Variants in DMBX1 observed in about 807,000 individuals in gnomAD.
DMBX1 encodes the protein diencephalon/mesencephalon homeobox 1.
Under a neutral mutation model 30.4 loss-of-function variants are expected in DMBX1, and 7 were observed. The ratio of observed to expected loss-of-function variants is 0.23; its 90% CI spans 0.13 to 0.43. The LOEUF is 0.43. DMBX1 is among the 20% of genes least tolerant of loss of function. The pLI is 1.00. For missense variants in DMBX1, 460 were observed against 508.5 expected, an observed-to-expected ratio of 0.90 and a Z score of 0.92; for synonymous variants, 222 against 214.2, an observed-to-expected ratio of 1.04 and a Z score of -0.32.
At chr1:46,501,598 G>A (rs990769743) in intron 2 of DMBX1, among the ~76,000 whole-genome samples, 19 of 152,212 alleles carry the variant, frequency 1.2e-4, no homozygotes, top group African/African-American at 3.9e-4. Flanking sequence ...ATAAGGCTGA[G>A]CTTTTTGTCA....
In DMBX1 at chr1:46,507,133, G is replaced by T. The variant is rs1569893122; in HGVS notation, c.123G>T (p.Val41=). The stretch of plus-strand genomic sequence containing the variant: ...ATGCCCCCGACTACCGGCCTTCAGT[G>T]CATGCGCTTACATTGGCTGAGCGCC... ...AQHAPDYRPS[V]HALTLAERLA... The change falls in exon 3 of 6, where the codon GTG becomes GTT. Residue 41 remains valine (V), a synonymous_variant. Transcript: ENST00000360032. 6.2e-7 allele frequency: 1 copy of T among 1,614,220 alleles called. No individual in the cohort carries two copies. Among genetic ancestry groups the T allele is most frequent in the African/African-American group, 1.3e-5 (1 of 75,066 alleles).
intron 2 of DMBX1, among the ~76,000 whole-genome samples, chr1:46,492,386 T>C (rs766061671): frequency 8.5e-5 from 13 of 152,188 alleles, no homozygotes; most frequent in Non-Finnish European, 1.9e-4. Context: ...ACGCACACAC[T>C]GTGGATTTTG....
At chr1:46,508,593 G>C (rs1666286550) in intron 3 of DMBX1, among the ~76,000 whole-genome samples, 1 of 152,150 alleles carries the variant, frequency 6.6e-6, no homozygotes, top group Non-Finnish European at 1.5e-5. Flanking sequence ...AGTATTCCAG[G>C]ACCCAAGGAC....
At chr1:46,498,816 A>G (rs1666071414) in intron 2 of DMBX1, among the ~76,000 whole-genome samples, 1 of 152,248 alleles carries the variant, frequency 6.6e-6, no homozygotes, top group South Asian at 2.1e-4. Context: ...ACATGTGTAC[A>G]GCTCAGATGG....
rs532028880 is a variant in DMBX1 at position 46,498,768 on chromosome 1, C to T, written c.-13+7985C>T. ...GTGTACACACATGGCCGCACATGGACACTGAGGTGGGCTTCAGACCTATGG... is the reference window on the plus strand; with the variant it reads ...GTGTACACACATGGCCGCACATGGATACTGAGGTGGGCTTCAGACCTATGG... On this transcript the variant is annotated intron_variant, in intron 2 of 5. Transcript: ENST00000360032. Among the ~76,000 whole-genome samples the T allele has an allele frequency of 2.9e-4, 44 of 152,338 alleles. 1 individual carries two copies. The highest frequency in any genetic ancestry group is 6.8e-3 in the Middle Eastern group (2 of 294).
chr1:46,502,942 A>T (rs1666165374), intron 2 of DMBX1, among the ~76,000 whole-genome samples: 1 of 152,052 alleles, frequency 6.6e-6, no homozygotes, highest in South Asian at 2.1e-4. Context: ...TTCCCTCAAG[A>T]CCCTCCAGGG....
chr1:46,500,687 A>G (rs913287144), intron 2 of DMBX1, among the ~76,000 whole-genome samples: 2 of 152,222 alleles, frequency 1.3e-5, no homozygotes, highest in African/African-American at 4.8e-5. Flanking sequence ...GCATATTTAT[A>G]CATACATTAC....
chr1:46,510,363 T>C lies in DMBX1; in HGVS notation c.155-113T>C, dbSNP rs1666338500. 1 of 1,353,622 alleles carries C rather than the reference T, an allele frequency of 7.4e-7. No homozygotes were observed. Among genetic ancestry groups the C allele is most frequent in the South Asian group, 1.4e-5 (1 of 69,296 alleles). 83.9% of individuals were successfully genotyped at this position (1,353,622 alleles called of 1,614,324 possible). A position where few individuals can be genotyped will look rare whatever the true frequency, so the allele number is the denominator to read the frequency against. On this transcript the variant is annotated intron_variant, in intron 3 of 5. Coordinates refer to ENST00000360032, the MANE Select transcript of DMBX1 (RefSeq NM_172225.2). The surrounding 1 kb of genome is among the most constrained non-coding windows in gnomAD (Gnocchi z 4.1). ...CTAAGGGTAAGGGACCAGGGCCAGC[T>C]CTGGCAGCAGCCTGGGTGTCCACAG... is the stretch of plus-strand genomic sequence containing the variant.
Position 46,510,405 on chromosome 1 carries a change from A to G in DMBX1, c.155-71A>G, listed in dbSNP as rs932289132. 42 of 1,543,448 alleles carry G rather than the reference A, an allele frequency of 2.7e-5. No individual in the cohort carries two copies. In the African/African-American group the frequency reaches 5.6e-4, roughly 20 times the overall value. On this transcript the variant is annotated intron_variant, in intron 3 of 5. Coordinates refer to ENST00000360032, the MANE Select transcript of DMBX1 (RefSeq NM_172225.2). This position sits in a 1 kb window ranked among gnomAD's most constrained non-coding sequence, Gnocchi z 4.1. The stretch of plus-strand genomic sequence containing the variant: ...TGTCCACAGTGGGTCAGAGCAGGAT[A>G]AGATTCAAAGCTATTTCCCATAATT...
chr1:46,492,953 G>T (rs892193281), intron 2 of DMBX1, among the ~76,000 whole-genome samples: 1 of 151,974 alleles, frequency 6.6e-6, no homozygotes, highest in Admixed American at 6.6e-5. Context: ...CCTAGGGAGG[G>T]TGCGTCTACA....
In DMBX1 at chr1:46,506,900, C is replaced by T. The variant is rs982107664; in HGVS notation, c.-12-99C>T. ...CCGATGGAGGGAGCTTCTGACCCAT[C>T]AGAAGGTGGGCATCCAGGGTCTGGA... On this transcript the variant is annotated intron_variant, in intron 2 of 5. Transcript: ENST00000360032. The T allele has an allele frequency of 2.9e-6, 4 of 1,398,168 alleles. 1 individual carries two copies. In the South Asian group the frequency reaches 5.3e-5, roughly 19 times the overall value. The allele number at this position is 1,398,168 out of a possible 1,614,324, so 86.6% of individuals were successfully genotyped here.
chr1:46,499,046 C>CT (rs1244109519), intron 2 of DMBX1, among the ~76,000 whole-genome samples: 114 of 145,064 alleles, frequency 7.9e-4, no homozygotes, highest in South Asian at 8.8e-4. Context: ...CTTTTCTTTT[C>CT]TTTTTTTTTT....
rs1040717785 is a variant in DMBX1, at chr1:46,510,137, G to A, written c.155-339G>A. Among the ~76,000 whole-genome samples, 2 of 152,178 alleles carry A rather than the reference G, an allele frequency of 1.3e-5. No homozygotes were observed. The highest frequency in any genetic ancestry group is 4.8e-5 in the African/African-American group (2 of 41,414). ...ACTTACAGATTATTAGCATCATGGA[G>A]TCTCAAAGTATACTCATAGTATCCA... is the stretch of plus-strand genomic sequence containing the variant. On this transcript the variant is annotated intron_variant, in intron 3 of 5. Transcript: ENST00000360032. This position sits in a 1 kb window ranked among gnomAD's most constrained non-coding sequence, Gnocchi z 4.1.
rs778796431 is a variant in DMBX1, at chr1:46,512,170, G to A, written c.810G>A (p.Ala270=). The part of the protein sequence containing the change: ...RLQEQFRQHM[A]ATNNLVHYSS... ...AGGAGCAATTCCGCCAGCACATGGC[G>A]GCCACCAACAACCTGGTGCACTACT... Residue 270 remains alanine, a synonymous_variant, in exon 6 of 6, where the codon GCG becomes GCA. Transcript: ENST00000360032. This position sits in a 1 kb window ranked among gnomAD's most constrained non-coding sequence, Gnocchi z 4.8. 1.7e-5 allele frequency: 27 copies of A among 1,614,024 alleles called. 1 individual carries two copies. Among genetic ancestry groups the A allele is most frequent in the South Asian group, 1.6e-4 (15 of 91,086 alleles).
At chr1:46,497,351 GTTA>G (rs983451915) in intron 2 of DMBX1, among the ~76,000 whole-genome samples, 12 of 152,308 alleles carry the variant, frequency 7.9e-5, no homozygotes, top group Admixed American at 2.0e-4. Context: ...GGTAGCTGTT[GTTA>G]TTGTTGTTGA....
intron 2 of DMBX1, among the ~76,000 whole-genome samples, chr1:46,502,700 A>C (rs775396606): frequency 6.6e-6 from 1 of 152,138 alleles, no homozygotes; most frequent in Non-Finnish European, 1.5e-5. Flanking sequence ...CAGCCTGGAC[A>C]ACATAGTGAG....
At chr1:46,495,897 G>A (rs562746259) in intron 2 of DMBX1, among the ~76,000 whole-genome samples, 20 of 152,308 alleles carry the variant, frequency 1.3e-4, no homozygotes, top group South Asian at 4.1e-4. Flanking sequence ...GTGGGTGGGA[G>A]TGTACAGGAG....
chr1:46,495,090 G>A (rs532569533), intron 2 of DMBX1, among the ~76,000 whole-genome samples: 1 of 152,320 alleles, frequency 6.6e-6, no homozygotes, highest in East Asian at 1.9e-4. Context: ...GGCAGAGCAG[G>A]CAGGGTGAAG....
rs775225684 is a variant in DMBX1, at chr1:46,512,459, G to A, written c.1099G>A (p.Ala367Thr). The A allele has an allele frequency of 3.1e-5, 50 of 1,613,218 alleles. No individual in the cohort carries two copies. The highest frequency in any genetic ancestry group is 3.5e-5 in the Non-Finnish European group (41 of 1,179,690). Residue 367 changes from alanine to threonine, a missense_variant, in exon 6 of 6, where the codon GCG (alanine) becomes ACG (threonine). Physicochemically the swap from Ala to Thr is moderately conservative, Grantham distance 58. Transcript: ENST00000360032. The surrounding 1 kb of genome is among the most constrained non-coding windows in gnomAD (Gnocchi z 4.8). The part of the protein sequence containing the change: ...ENLRLRAKQH[A>T]ASLGLDTLPN ...CCTGCGGCTCCGGGCCAAGCAGCACGCGGCCTCCCTGGGACTCGATACGCT... is the reference window on the plus strand; with the variant it reads ...CCTGCGGCTCCGGGCCAAGCAGCACACGGCCTCCCTGGGACTCGATACGCT...
Sources: gnomAD v4.1 joint callset for allele counts (sites outside exome capture counted in the v4.1 genomes callset) on GRCh38, gnomAD v4.1.1 for gene constraint, Gnocchi (gnomAD v3.1) non-coding constraint, MANE v1.5 for transcripts, NCBI Gene and HGNC (gene_info 2026-07-23, HGNC 2026-07-21) for gene names.